KRT33B: variants seen among roughly 807,000 people sequenced by gnomAD.
KRT33B encodes the protein keratin, type I cuticular Ha3-II.
A neutral mutation model predicts 42.7 loss-of-function variants in KRT33B; 37 were observed. That is an observed-to-expected ratio of 0.87 (90% confidence interval 0.67 to 1.14). KRT33B has a LOEUF of 1.14. KRT33B is among the 50% of genes most tolerant of loss of function. The probability of loss-of-function intolerance (pLI) is 0.00; values close to 1 mark genes in which losing one functional copy is unlikely to be tolerated. For missense variants in KRT33B, 523 were observed against 515.1 expected, an observed-to-expected ratio of 1.02 and a Z score of -0.15; for synonymous variants, 237 against 221.2, an observed-to-expected ratio of 1.07 and a Z score of -0.63.
rs767097018 is a variant in KRT33B, at chr17:41,365,139, T to C, written c.876+36A>G. ...ATCCCCAAGACTCTGCCTCCCAAGT[T>C]CCCATCGCTCACCAGCAGGTCTGAA... is the stretch of plus-strand genomic sequence containing the variant. On this transcript the variant is annotated intron_variant, in intron 5 of 6. Coordinates refer to ENST00000251646, the MANE Select transcript of KRT33B (RefSeq NM_002279.5). 6.2e-6 allele frequency: 10 copies of C among 1,609,708 alleles called. No individual in the cohort carries two copies. The East Asian group carries it at 6.7e-5, about 11-fold the overall frequency.
chr17:41,365,623 A>T, intron 3 of KRT33B, 70 bp from the exon 4 acceptor site: 3 of 1,539,540 alleles, frequency 1.9e-6, no homozygotes, highest in Non-Finnish European at 2.6e-6. Context: ...AGGCAGTTCA[A>T]TATAATGGGA....
rs1426036388 is a variant in KRT33B, at chr17:41,369,665, T to C, written c.86A>G (p.Tyr29Cys). ...GATGTTGCAGGCCCCGGGCAGGGTG[T>C]AGCCGTGGCAGCTGGGGGGCACACA... ...RPCVPPSCHG[Y>C]TLPGACNIPA... The change falls in exon 1 of 7, where the codon TAC becomes TGC. Residue 29 changes from tyrosine to cysteine, a missense_variant. Tyr to Cys is a radical substitution (Grantham distance 194, BLOSUM62 -2). Coordinates refer to ENST00000251646, the MANE Select transcript of KRT33B (RefSeq NM_002279.5). 1 of 1,613,894 alleles carries C rather than the reference T, an allele frequency of 6.2e-7. No homozygotes were observed. The highest frequency in any genetic ancestry group is 8.5e-7 in the Non-Finnish European group (1 of 1,179,986).
intron 3 of KRT33B, among the ~76,000 whole-genome samples, chr17:41,366,032 C>T (rs2017696943): frequency 6.6e-6 from 1 of 151,252 alleles, no homozygotes; most frequent in South Asian, 2.1e-4. Context: ...TTTCATTTCT[C>T]CCGTTTTTCC....
intron 2 of KRT33B, 79 bp downstream of exon 2, chr17:41,367,829 A>G (rs1207682555): frequency 1.1e-5 from 14 of 1,294,162 alleles, no homozygotes; most frequent in Middle Eastern, 1.9e-4. Context: ...CTGCTTCCAC[A>G]TTCCAGGATA....
In KRT33B at chr17:41,367,998, T is replaced by C. The variant is rs1256389125; in HGVS notation, c.349-8A>G. 4 of 1,612,602 alleles carry C rather than the reference T, an allele frequency of 2.5e-6. No homozygotes were observed. In the Admixed American group the frequency reaches 5.0e-5, roughly 20 times the overall value. ...AGACTTGCTGCACAGGATCTGGGGATAGGATTAATCATGAAATGGGTTATA... is the reference window on the plus strand; with the variant it reads ...AGACTTGCTGCACAGGATCTGGGGACAGGATTAATCATGAAATGGGTTATA... On this transcript the variant is annotated splice_polypyrimidine_tract_variant and splice_region_variant and intron_variant, in intron 1 of 6. Coordinates refer to ENST00000251646, the MANE Select transcript of KRT33B (RefSeq NM_002279.5).
At position 41,364,835 on chromosome 17, in the gene KRT33B, C is replaced by T. The variant is rs754257990; in HGVS notation, c.1041G>A (p.Ala347=). 1.2e-5 allele frequency: 20 copies of T among 1,612,642 alleles called. No homozygotes were observed. The Admixed American group carries it at 2.3e-4, about 19-fold the overall frequency. The change falls in exon 6 of 7, where the codon GCG becomes GCA. Residue 347 remains alanine (A), a synonymous_variant. Transcript: ENST00000251646. ...ATGTGTTGATCTCACACTCCAGCCG[C>T]GCCCGCACGTCCAGCAGCACCTGAT... ...QEYQVLLDVR[A]RLECEINTYR... is the part of the protein sequence containing the mutation.
chr17:41,369,320 A>G (rs2017744194), intron 1 of KRT33B, 83 bp downstream of exon 1: 3 of 1,514,988 alleles, frequency 2.0e-6, no homozygotes, highest in East Asian at 4.6e-5. Context: ...TACTGTGAAC[A>G]GACTTAGATC....
chr17:41,367,531 CGGTCTCCACTAAAAATATA>C, intron 2 of KRT33B, among the ~76,000 whole-genome samples: 1 of 151,022 alleles, frequency 6.6e-6, no homozygotes, highest in Admixed American at 6.6e-5. Flanking sequence ...TGGTAAAACC[CGGTCTCCACTAAAAATATA>C]AAAATTAGCT....
chr17:41,365,511 C>A lies in KRT33B; in HGVS notation c.631G>T (p.Val211Leu), dbSNP rs2017688690. ...ACAGCGGGAGCAGCGTCCACCTCCA[C>A]GTTGAGGCGGTCTCCAAGCTGGCAG... is the stretch of plus-strand genomic sequence containing the variant. ...LRCQLGDRLNVEVDAAPAVDL... is the reference protein window; with the variant it reads ...LRCQLGDRLNLEVDAAPAVDL... Residue 211 changes from valine to leucine, a missense_variant, in exon 4 of 7, where the codon GTG (valine) becomes TTG (leucine). Val to Leu is a conservative substitution (Grantham distance 32, BLOSUM62 1). Coordinates refer to ENST00000251646, the MANE Select transcript of KRT33B (RefSeq NM_002279.5). The A allele has an allele frequency of 6.2e-7, 1 of 1,612,368 alleles. No homozygotes were observed. Among genetic ancestry groups the A allele is most frequent in the Admixed American group, 1.7e-5 (1 of 59,742 alleles).
At chr17:41,369,332 A>T (rs764574552) in intron 1 of KRT33B, 71 bp downstream of exon 1, 1 of 1,561,594 alleles carries the variant, frequency 6.4e-7, no homozygotes, top group Non-Finnish European at 8.7e-7. Flanking sequence ...ACTTAGATCC[A>T]TTCACAGTTT....
At position 41,365,428 on chromosome 17, in the gene KRT33B, G is replaced by A. The variant is rs951202482; in HGVS notation, c.714C>T (p.Thr238=). 7.4e-5 allele frequency: 120 copies of A among 1,612,608 alleles called. No individual in the cohort carries two copies. The highest frequency in any genetic ancestry group is 1.0e-4 in the Non-Finnish European group (118 of 1,179,940). Residue 238 remains threonine, a synonymous_variant, in exon 4 of 7, where the codon ACC becomes ACT. Coordinates refer to ENST00000251646, the MANE Select transcript of KRT33B (RefSeq NM_002279.5). ...ACCATTGCTCCACTTCCCTGCGGTT[G>A]GTTTCCACCAGGGCCTCATACTGAT... The part of the protein sequence containing the change: ...TRNQYEALVE[T]NRREVEQWFA...
chr17:41,369,034 T>C lies in KRT33B; in HGVS notation c.348+369A>G, dbSNP rs533698641. On this transcript the variant is annotated intron_variant, in intron 1 of 6. Coordinates refer to ENST00000251646, the MANE Select transcript of KRT33B (RefSeq NM_002279.5). ...GGCTTTAAATATTTGAAGATTTACT[T>C]AGGAAATTCTTAGCATAGAAAATAA... Among the ~76,000 whole-genome samples the C allele has an allele frequency of 7.9e-5, 12 of 151,556 alleles. 1 individual carries two copies. Among genetic ancestry groups the C allele is most frequent in the African/African-American group, 2.9e-4 (12 of 40,830 alleles).
In KRT33B at chr17:41,364,806, C is replaced by T. The variant is rs2017672758; in HGVS notation, c.1070G>A (p.Arg357Gln). Reference protein sequence around the residue: ...ARLECEINTYRSLLESEDCKL... With the variant: ...ARLECEINTYQSLLESEDCKL... ...GCAGTCCTCGCTCTCCAGCAGGCTC[C>T]GGTATGTGTTGATCTCACACTCCAG... Residue 357 changes from arginine to glutamine, a missense_variant, in exon 6 of 7, where the codon CGG (arginine) becomes CAG (glutamine). Coordinates refer to ENST00000251646, the MANE Select transcript of KRT33B (RefSeq NM_002279.5). 2.5e-6 allele frequency: 4 copies of T among 1,612,810 alleles called. No individual in the cohort carries two copies. Among genetic ancestry groups the T allele is most frequent in the Non-Finnish European group, 3.4e-6 (4 of 1,179,944 alleles).
intron 2 of KRT33B, 28 bp downstream of exon 2, chr17:41,367,880 A>T (rs1320958245): frequency 6.2e-7 from 1 of 1,601,882 alleles, no homozygotes; most frequent in Non-Finnish European, 8.5e-7. Context: ...CCGTTACTAG[A>T]CTGCTCTGAT....
At position 41,363,654 on chromosome 17, in the gene KRT33B, G is replaced by A. The variant is rs1378992460; in HGVS notation, c.*182C>T. The A allele has an allele frequency of 2.0e-6, 1 of 499,792 alleles. No individual in the cohort carries two copies. The highest frequency in any genetic ancestry group is 2.0e-5 in the African/African-American group (1 of 50,158). The allele number at this position is 499,792 out of a possible 1,614,324, so 31.0% of individuals were successfully genotyped here. A position where few individuals can be genotyped will look rare whatever the true frequency, so the allele number is the denominator to read the frequency against. On this transcript the variant is annotated 3_prime_UTR_variant, in exon 7 of 7. Coordinates refer to ENST00000251646, the MANE Select transcript of KRT33B (RefSeq NM_002279.5). ...ACAGGAGAGGGACCTGGGGTGAGGA[G>A]GATCAAGTAGCCCTAGGCTCAGAGT...
At position 41,363,860 on chromosome 17, in the gene KRT33B, C is replaced by T. The variant is rs747188172; in HGVS notation, c.1191G>A (p.Gly397=). ...TCTAGTACCCAAAGGTGTTGCAAGG[C>T]CCACAGCGGGAACGAGGACCACAAG... is the stretch of plus-strand genomic sequence containing the variant. ...TNPCGPRSRC[G]PCNTFGY is the part of the protein sequence containing the mutation. The change falls in exon 7 of 7, where the codon GGG becomes GGA. Residue 397 remains glycine (G), a synonymous_variant. Transcript: ENST00000251646. 1.2e-6 allele frequency: 2 copies of T among 1,609,876 alleles called. No individual in the cohort carries two copies. The highest frequency in any genetic ancestry group is 1.7e-6 in the Non-Finnish European group (2 of 1,178,438).
intron 3 of KRT33B, 120 bp from the exon 4 acceptor site, chr17:41,365,673 C>T: frequency 7.8e-7 from 1 of 1,279,912 alleles, no homozygotes; most frequent in Non-Finnish European, 1.1e-6. Flanking sequence ...GAGTTGAAGC[C>T]CAGCTGTCAC....
rs778770978 is a variant in KRT33B at position 41,364,960 on chromosome 17, G to A, written c.916C>T (p.Arg306Cys). 3.1e-6 allele frequency: 5 copies of A among 1,613,390 alleles called. No homozygotes were observed. The Admixed American group carries it at 5.0e-5, about 16-fold the overall frequency. The change falls in exon 6 of 7, where the codon CGC (arginine) becomes TGC (cysteine). Residue 306 changes from arginine to cysteine, a missense_variant. Physicochemically the swap from Arg to Cys is radical, Grantham distance 180 (BLOSUM62 -3). Coordinates refer to ENST00000251646, the MANE Select transcript of KRT33B (RefSeq NM_002279.5). ...ACCTGGGACAGCTGGGAGCTGTAGCGGGCCTCGCTCTCTGTCAGCGTGTTT... is the reference window on the plus strand; with the variant it reads ...ACCTGGGACAGCTGGGAGCTGTAGCAGGCCTCGCTCTCTGTCAGCGTGTTT... The part of the protein sequence containing the change: ...LENTLTESEA[R>C]YSSQLSQVQS...
rs779302453 is a variant in KRT33B at position 41,369,437 on chromosome 17, G to T, written c.314C>A (p.Ser105Tyr). The change falls in exon 1 of 7, where the codon TCC becomes TAC. Residue 105 changes from serine (S) to tyrosine (Y), a missense_variant. Coordinates refer to ENST00000251646, the MANE Select transcript of KRT33B (RefSeq NM_002279.5). ...GAGCTCCTCAATGGTCTTGAAGTAGGACTGGTAGCTGGGGCACAGCAAGGG... is the reference window on the plus strand; with the variant it reads ...GAGCTCCTCAATGGTCTTGAAGTAGTACTGGTAGCTGGGGCACAGCAAGGG... Reference protein sequence around the residue: ...QEPLLCPSYQSYFKTIEELQQ... With the variant: ...QEPLLCPSYQYYFKTIEELQQ... 3 of 1,613,378 alleles carry T rather than the reference G, an allele frequency of 1.9e-6. No homozygotes were observed. The highest frequency in any genetic ancestry group is 2.5e-6 in the Non-Finnish European group (3 of 1,180,036).
Sources: gnomAD v4.1 joint callset for allele counts (sites outside exome capture counted in the v4.1 genomes callset) on GRCh38, gnomAD v4.1.1 for gene constraint, MANE v1.5 for transcripts, NCBI Gene and HGNC (gene_info 2026-07-23, HGNC 2026-07-21) for gene names.